The following CLASP2 variants were observed in gnomAD, a reference collection of about 807,000 sequenced individuals.
CLASP2 encodes CLIP-associating protein 2.
Under a neutral mutation model 194.4 loss-of-function variants are expected in CLASP2, and 47 were observed. The observed-to-expected ratio is 0.24, with a 90% CI of 0.19 to 0.31. The LOEUF (loss-of-function observed/expected upper bound fraction) is 0.31, where lower values mean the gene tolerates loss of function less well. CLASP2 is among the 10% of genes least tolerant of loss of function. CLASP2 has a pLI of 1.00. For missense variants in CLASP2, 1,445 were observed against 1,823.6 expected, an observed-to-expected ratio of 0.79 and a Z score of 3.78; for synonymous variants, 619 against 633.5, an observed-to-expected ratio of 0.98 and a Z score of 0.34.
At chr3:33,679,281 T>G (rs1364188561) in intron 6 of CLASP2, among the ~76,000 whole-genome samples, 1 of 152,158 alleles carries the variant, frequency 6.6e-6, no homozygotes, top group South Asian at 2.1e-4. Context: ...ACTATGAAAC[T>G]ATTAGAAGAT....
intron 7 of CLASP2, among the ~76,000 whole-genome samples, chr3:33,656,494 A>G (rs942892664): frequency 4.6e-5 from 7 of 152,160 alleles, no homozygotes; most frequent in Non-Finnish European, 1.0e-4. Flanking sequence ...ACCAGAACTG[A>G]AAAGAATGTA....
At chr3:33,566,807 G>T in intron 26 of CLASP2, 73 bp from the exon 27 acceptor site, 1 of 418,738 alleles carries the variant, frequency 2.4e-6, no homozygotes, top group Admixed American at 2.9e-5. Flanking sequence ...ACACAAATTA[G>T]TCGCCATCAA....
chr3:33,603,349 C>T (rs2072819307), intron 17 of CLASP2, among the ~76,000 whole-genome samples: 1 of 152,108 alleles, frequency 6.6e-6, no homozygotes, highest in African/African-American at 2.4e-5. Flanking sequence ...TATTTCTCTC[C>T]CATAAAAATG....
Position 33,517,132 on chromosome 3 carries a change from T to A in CLASP2, c.3830A>T (p.Lys1277Met). 6.2e-7 allele frequency: 1 copy of A among 1,613,464 alleles called. No individual in the cohort carries two copies. The highest frequency in any genetic ancestry group is 8.5e-7 in the Non-Finnish European group (1 of 1,179,722). ...DHSDLVAELLKELSNHNERVE... is the reference protein window; with the variant it reads ...DHSDLVAELLMELSNHNERVE... ...ACGCTCATTATGGTTAGACAGCTCC[T>A]TCAACAACTCTGCAACTAGGTCAGA... The change falls in exon 35 of 39, where the codon AAG becomes ATG. Residue 1277 changes from lysine (K) to methionine (M), a missense_variant. This residue lies in a region of CLASP2 where 732 missense variants were observed against 987.9 expected (regional missense o/e 0.74). Transcript: ENST00000682230.
intron 30 of CLASP2, among the ~76,000 whole-genome samples, chr3:33,548,891 T>C (rs149118869): frequency 5.6e-4 from 85 of 151,328 alleles, no homozygotes; most frequent in African/African-American, 1.9e-3. Context: ...CTTCAGTCTC[T>C]TGAGTATCTG....
intron 9 of CLASP2, among the ~76,000 whole-genome samples, chr3:33,627,662 T>C (rs2078290994): frequency 6.6e-6 from 1 of 152,148 alleles, no homozygotes; most frequent in African/African-American, 2.4e-5. Flanking sequence ...AGACGTGGTC[T>C]TTGCCTTATG....
chr3:33,501,245 A>T (rs1037975909), intron 38 of CLASP2, among the ~76,000 whole-genome samples: 1 of 152,260 alleles, frequency 6.6e-6, no homozygotes, highest in African/African-American at 2.4e-5. Flanking sequence ...AAAAATTTTT[A>T]AATGTGCAAG....
intron 32 of CLASP2, among the ~76,000 whole-genome samples, chr3:33,541,277 G>A (rs976183513): frequency 6.6e-6 from 1 of 152,120 alleles, no homozygotes; most frequent in African/African-American, 2.4e-5. Context: ...TAAAGAAAAT[G>A]TGGTATCTAT....
At chr3:33,569,592 T>G (rs1364157861) in intron 26 of CLASP2, among the ~76,000 whole-genome samples, 3 of 152,192 alleles carry the variant, frequency 2.0e-5, no homozygotes, top group Non-Finnish European at 4.4e-5. Flanking sequence ...AATATCTATC[T>G]AGAATGGTAT....
intron 12 of CLASP2, among the ~76,000 whole-genome samples, chr3:33,613,373 T>G (rs997692645): frequency 2.0e-5 from 3 of 152,334 alleles, no homozygotes; most frequent in African/African-American, 7.2e-5. Context: ...AATCAGTTAT[T>G]GGATATGGGC....
At chr3:33,658,573 T>C (rs1308968503) in intron 7 of CLASP2, among the ~76,000 whole-genome samples, 2 of 152,344 alleles carry the variant, frequency 1.3e-5, no homozygotes, top group Non-Finnish European at 1.5e-5. Flanking sequence ...ATTCTACTTG[T>C]GTCAAATACA....
At chr3:33,662,252 T>C (rs910025224) in intron 7 of CLASP2, among the ~76,000 whole-genome samples, 2 of 152,168 alleles carry the variant, frequency 1.3e-5, no homozygotes, top group Non-Finnish European at 2.9e-5. Context: ...ATTTTATAGG[T>C]ATTCTACTTT....
intron 12 of CLASP2, among the ~76,000 whole-genome samples, chr3:33,619,377 T>A (rs561931669): frequency 1.3e-5 from 2 of 152,304 alleles, no homozygotes; most frequent in South Asian, 4.1e-4. Context: ...TTATTCCATA[T>A]ACAAACATGT....
At chr3:33,514,049 A>G (rs904964235) in intron 36 of CLASP2, among the ~76,000 whole-genome samples, 8 of 152,136 alleles carry the variant, frequency 5.3e-5, no homozygotes, top group Admixed American at 3.9e-4. Context: ...ATTCAGTGGC[A>G]TGATCTTAGC....
chr3:33,507,763 C>T (rs960478983), intron 37 of CLASP2, among the ~76,000 whole-genome samples: 8 of 152,212 alleles, frequency 5.3e-5, no homozygotes, highest in South Asian at 2.1e-4. Flanking sequence ...GGTTTACAGG[C>T]GTGAGCCACC....
chr3:33,678,593 A>T (rs1197304131), intron 6 of CLASP2, among the ~76,000 whole-genome samples: 1 of 152,212 alleles, frequency 6.6e-6, no homozygotes, highest in African/African-American at 2.4e-5. Flanking sequence ...ACTTTCTCAA[A>T]AAAAGATTGA....
chr3:33,689,539 T>C (rs577769890), intron 3 of CLASP2, among the ~76,000 whole-genome samples: 46 of 152,064 alleles, frequency 3.0e-4, no homozygotes, highest in Non-Finnish European at 5.4e-4. Flanking sequence ...CATTTTATAA[T>C]TTACAAAAAA....
intron 8 of CLASP2, among the ~76,000 whole-genome samples, chr3:33,634,522 C>A (rs560702269): frequency 6.6e-6 from 1 of 152,180 alleles, no homozygotes; most frequent in South Asian, 2.1e-4. Flanking sequence ...TTCTCACACA[C>A]TGGTGTAGAC....
chr3:33,577,334 C>A, intron 23 of CLASP2: 2 of 1,287,012 alleles, frequency 1.6e-6, no homozygotes, highest in South Asian at 2.4e-5. Flanking sequence ...GCACTACTGT[C>A]AGGCAAGGAG....
Sources: allele counts gnomAD v4.1 joint callset (sites outside exome capture counted in the v4.1 genomes callset), GRCh38; gene constraint gnomAD v4.1.1; regional missense constraint gnomAD v4.1.1; transcripts MANE v1.5; gene names NCBI Gene and HGNC (gene_info 2026-07-23, HGNC 2026-07-21).